The following RIMS1 variants were observed in gnomAD, a reference collection of about 807,000 sequenced individuals.
The protein encoded by RIMS1 is regulating synaptic membrane exocytosis 1.
A neutral mutation model predicts 214.1 loss-of-function variants in RIMS1; 83 were observed. The ratio of observed to expected loss-of-function variants is 0.39; its 90% CI spans 0.32 to 0.47. The LOEUF (loss-of-function observed/expected upper bound fraction) is 0.47. Ranked by LOEUF, RIMS1 falls within the 20% of genes least tolerant of loss-of-function variation. RIMS1 has a pLI of 0.99. For missense variants in RIMS1, 2,050 were observed against 2,161.8 expected, an observed-to-expected ratio of 0.95 and a Z score of 1.03; for synonymous variants, 793 against 786.8, an observed-to-expected ratio of 1.01 and a Z score of -0.13.
intron 27 of RIMS1, among the ~76,000 whole-genome samples, chr6:72,309,314 C>T (rs969002158): frequency 6.6e-6 from 1 of 152,060 alleles, no homozygotes; most frequent in Non-Finnish European, 1.5e-5. Context: ...AACTTAAAAA[C>T]TTGAAAATAA....
chr6:71,942,894 G>T (rs1786597006), intron 1 of RIMS1, among the ~76,000 whole-genome samples: 1 of 151,892 alleles, frequency 6.6e-6, no homozygotes, highest in South Asian at 2.1e-4. Context: ...AATATTAAAT[G>T]TAAATTTATA....
chr6:72,261,313 C>G, intron 19 of RIMS1: 1 of 995,984 alleles, frequency 1.0e-6, no homozygotes, highest in Non-Finnish European at 1.2e-6. Flanking sequence ...TCAACCTGAT[C>G]TTAACTATCC....
intron 10 of RIMS1, among the ~76,000 whole-genome samples, chr6:72,243,422 T>C (rs1167234284): frequency 2.0e-5 from 3 of 151,764 alleles, no homozygotes; most frequent in Non-Finnish European, 4.4e-5. Context: ...CTGGTTATTA[T>C]TAAGAGTGAA....
At chr6:72,068,698 C>T (rs192138542) in intron 2 of RIMS1, among the ~76,000 whole-genome samples, 54 of 151,872 alleles carry the variant, frequency 3.6e-4, no homozygotes, top group African/African-American at 9.4e-4. Context: ...CTGAGGCGGG[C>T]GGATCACGAG....
At chr6:72,140,864 A>T (rs2153881532) in intron 4 of RIMS1, among the ~76,000 whole-genome samples, 1 of 152,210 alleles carries the variant, frequency 6.6e-6, no homozygotes, top group South Asian at 2.1e-4. Flanking sequence ...ATGTAAAGAT[A>T]CTTTTTAGCA....
At chr6:71,969,208 AT>A in intron 2 of RIMS1, 145 bp downstream of exon 2, 1 of 781,356 alleles carries the variant, frequency 1.3e-6, no homozygotes, top group East Asian at 2.6e-5. Context: ...ATTAGATAAA[AT>A]TAGCTGAGCT....
intron 29 of RIMS1, among the ~76,000 whole-genome samples, chr6:72,335,103 G>A (rs981619761): frequency 2.0e-5 from 3 of 151,888 alleles, no homozygotes; most frequent in Non-Finnish European, 2.9e-5. Context: ...GGATACATGC[G>A]CAGAAAGTGC....
At chr6:72,057,542 C>G (rs149073325) in intron 2 of RIMS1, among the ~76,000 whole-genome samples, 449 of 135,904 alleles carry the variant, frequency 3.3e-3, no homozygotes, top group African/African-American at 0.012. Flanking sequence ...GAGTCTCGCT[C>G]TGTTGCCCAG....
At chr6:72,400,464 C>G (rs753690805) in intron 33 of RIMS1, 32 bp from the exon 34 acceptor site, 1 of 1,572,396 alleles carries the variant, frequency 6.4e-7, no homozygotes, top group Non-Finnish European at 8.8e-7. Flanking sequence ...AGAGAGAAGT[C>G]CAGGTAATGT....
chr6:72,076,408 G>C (rs542071947), intron 2 of RIMS1, among the ~76,000 whole-genome samples: 208 of 152,246 alleles, frequency 1.4e-3, no homozygotes, highest in African/African-American at 4.7e-3. Context: ...GGTGGAGAGA[G>C]GGAGAGGGTT....
intron 4 of RIMS1, among the ~76,000 whole-genome samples, chr6:72,104,088 G>A (rs375310618): frequency 1.2e-4 from 18 of 151,920 alleles, no homozygotes; most frequent in East Asian, 9.7e-4. Context: ...TTATTAATCC[G>A]TATAAGTCAA....
chr6:72,037,406 C>T (rs1585367427), intron 2 of RIMS1, among the ~76,000 whole-genome samples: 1 of 151,878 alleles, frequency 6.6e-6, no homozygotes, highest in Non-Finnish European at 1.5e-5. Flanking sequence ...AGTTTGTCAC[C>T]CTGTGCAGTT....
chr6:72,092,211 A>C (rs962504451), intron 2 of RIMS1, among the ~76,000 whole-genome samples: 10 of 152,102 alleles, frequency 6.6e-5, no homozygotes, highest in African/African-American at 2.4e-4. Flanking sequence ...AGGTTATGGA[A>C]TAGGTAGATT....
chr6:72,100,169 A>G (rs2033184329), intron 4 of RIMS1, among the ~76,000 whole-genome samples, 183 bp downstream of exon 4: 1 of 152,062 alleles, frequency 6.6e-6, no homozygotes, highest in Non-Finnish European at 1.5e-5. Context: ...TTTGATATTA[A>G]TAGATAAAGT....
chr6:72,276,741 G>A (rs1049880391), intron 23 of RIMS1, among the ~76,000 whole-genome samples: 12 of 152,156 alleles, frequency 7.9e-5, no homozygotes, highest in Admixed American at 1.3e-4. Flanking sequence ...AAATATGTAC[G>A]TATAAAATGA....
At chr6:72,048,016 C>T (rs1823548472) in intron 2 of RIMS1, among the ~76,000 whole-genome samples, 2 of 152,166 alleles carry the variant, frequency 1.3e-5, no homozygotes, top group South Asian at 4.1e-4. Flanking sequence ...GTGCTTGGCA[C>T]TTTTCTATGT....
chr6:72,047,919 A>T (rs1823512772), intron 2 of RIMS1, among the ~76,000 whole-genome samples: 2 of 152,140 alleles, frequency 1.3e-5, no homozygotes, highest in Admixed American at 1.3e-4. Context: ...TACTTCTATT[A>T]TTCCAGTTAG....
chr6:72,383,441 C>T (rs555747383), intron 29 of RIMS1, among the ~76,000 whole-genome samples: 1 of 151,680 alleles, frequency 6.6e-6, no homozygotes, highest in South Asian at 2.1e-4. Flanking sequence ...ACTGAATTTT[C>T]AAGTTCTCAC....
chr6:71,986,494 T>G (rs1275492099), intron 2 of RIMS1, among the ~76,000 whole-genome samples: 2 of 152,128 alleles, frequency 1.3e-5, no homozygotes, highest in Admixed American at 1.3e-4. Context: ...TGCCTTGTCG[T>G]GGGGAGAAGA....
Sources: gnomAD v4.1 joint callset for allele counts (sites outside exome capture counted in the v4.1 genomes callset) on GRCh38, gnomAD v4.1.1 for gene constraint, MANE v1.5 for transcripts, NCBI Gene and HGNC (gene_info 2026-07-23, HGNC 2026-07-21) for gene names.